NRXN3: variants seen among roughly 807,000 people sequenced by gnomAD.
NRXN3 encodes the protein neurexin III.
NRXN3 carries 32 observed loss-of-function variants against 137.6 expected under a neutral mutation model. The ratio of observed to expected loss-of-function variants is 0.23; its 90% CI spans 0.18 to 0.31. NRXN3 has a LOEUF of 0.31. Ranked by LOEUF, NRXN3 falls within the 10% of genes least tolerant of loss-of-function variation. NRXN3 has a pLI of 1.00. For missense variants in NRXN3, 1,574 were observed against 2,062.5 expected, an observed-to-expected ratio of 0.76 and a Z score of 4.59; for synonymous variants, 798 against 784.5, an observed-to-expected ratio of 1.02 and a Z score of -0.29.
chr14:79,066,093 C>T (rs372576637), intron 15 of NRXN3, among the ~76,000 whole-genome samples: 5 of 152,190 alleles, frequency 3.3e-5, no homozygotes, highest in African/African-American at 1.2e-4. Flanking sequence ...AATGGTATTG[C>T]CTAGATTTTC....
intron 1 of NRXN3, among the ~76,000 whole-genome samples, chr14:78,241,576 C>T (rs973302456): frequency 7.9e-5 from 12 of 151,628 alleles, no homozygotes; most frequent in South Asian, 2.1e-4. Flanking sequence ...GCCGAGCTCA[C>T]GCCACTGCAT....
chr14:78,371,025 T>C (rs2153616479), intron 4 of NRXN3, among the ~76,000 whole-genome samples: 1 of 152,278 alleles, frequency 6.6e-6, no homozygotes, highest in Admixed American at 6.5e-5. Context: ...AAATGATGAA[T>C]ACTTGTGATA....
intron 16 of NRXN3, among the ~76,000 whole-genome samples, chr14:79,590,429 AAAAAAAAAAG>A (rs1451712655): frequency 3.3e-5 from 5 of 151,034 alleles, no homozygotes; most frequent in Admixed American, 6.6e-5. Flanking sequence ...AAAAAAAAAA[AAAAAAAAAAG>A]ATTATGATAG....
At chr14:79,168,118 A>G (rs908206233) in intron 15 of NRXN3, among the ~76,000 whole-genome samples, 6 of 151,984 alleles carry the variant, frequency 3.9e-5, no homozygotes, top group African/African-American at 1.4e-4. Flanking sequence ...TTATCTCACC[A>G]GTGTGCTGAG....
intron 4 of NRXN3, among the ~76,000 whole-genome samples, chr14:78,534,576 A>T (rs17835152): frequency 6.6e-6 from 1 of 151,970 alleles, no homozygotes; most frequent in Non-Finnish European, 1.5e-5. Flanking sequence ...TTTCTTTAAC[A>T]TGTATTTCTA....
At chr14:78,532,080 G>C (rs1419673540) in intron 4 of NRXN3, among the ~76,000 whole-genome samples, 2 of 150,876 alleles carry the variant, frequency 1.3e-5, no homozygotes, top group African/African-American at 2.4e-5. Context: ...CGAGGTAGGT[G>C]GATCACCTGA....
intron 15 of NRXN3, among the ~76,000 whole-genome samples, chr14:79,143,836 G>A (rs986188299): frequency 6.6e-6 from 1 of 152,158 alleles, no homozygotes; most frequent in Non-Finnish European, 1.5e-5. Context: ...AAATATTTCT[G>A]TGTGCAGTTG....
chr14:78,261,251 C>A (rs908348838), intron 2 of NRXN3, among the ~76,000 whole-genome samples: 1 of 152,188 alleles, frequency 6.6e-6, no homozygotes, highest in African/African-American at 2.4e-5. Context: ...AAAGACACTG[C>A]CAGTATTCAT....
At chr14:79,105,296 C>A (rs1203649152) in intron 15 of NRXN3, among the ~76,000 whole-genome samples, 1 of 151,936 alleles carries the variant, frequency 6.6e-6, no homozygotes. Context: ...CCATCTCAAG[C>A]CAAAAAAAGA....
chr14:78,882,652 AACTAACTT>A (rs1271039831), intron 10 of NRXN3, among the ~76,000 whole-genome samples: 2 of 151,692 alleles, frequency 1.3e-5, no homozygotes, highest in African/African-American at 4.9e-5. Flanking sequence ...TCTAGGAAGT[AACTAACTT>A]CTTTTATTTT....
chr14:78,238,171 A>G (rs2066588104), intron 1 of NRXN3, among the ~76,000 whole-genome samples: 1 of 118,422 alleles, frequency 8.4e-6, no homozygotes, highest in South Asian at 2.6e-4. Flanking sequence ...GCCCCCTCCT[A>G]AGCAGCCGGC....
intron 15 of NRXN3, among the ~76,000 whole-genome samples, chr14:79,056,832 G>A (rs963926406): frequency 1.3e-5 from 2 of 152,184 alleles, no homozygotes; most frequent in Admixed American, 6.5e-5. Context: ...TGGCAAGCAG[G>A]TGCCCCTTCC....
In NRXN3 at chr14:78,943,621, AATATATATATATATATATATATAT is replaced by A. The variant is rs60429358; in HGVS notation, c.2276-13586_2276-13563del. ...AGCAAGATCACTGTTAAAAAAAAAA[AATATATATATATATATATATATAT>A]ATATATATATATATATATATATATA... On this transcript the variant is annotated intron_variant, in intron 10 of 20. Transcript: ENST00000335750. Among the ~76,000 whole-genome samples the A allele has an allele frequency of 4.4e-3, 123 of 27,870 alleles. 3 individuals carry two copies. Among genetic ancestry groups the A allele is most frequent in the South Asian group, 0.012 (7 of 602 alleles). The allele number at this position is 27,870 out of a possible 152,430, so 18.3% of individuals were successfully genotyped here.
At chr14:78,256,079 C>CT (rs1012879161) in intron 2 of NRXN3, among the ~76,000 whole-genome samples, 15 of 149,034 alleles carry the variant, frequency 1.0e-4, no homozygotes, top group African/African-American at 2.7e-4. Context: ...ACTAGAAATA[C>CT]TTTTTTTTTT....
At chr14:79,238,820 T>C (rs1198056988) in intron 15 of NRXN3, among the ~76,000 whole-genome samples, 1 of 152,136 alleles carries the variant, frequency 6.6e-6, no homozygotes, top group African/African-American at 2.4e-5. Context: ...TGATCTTTTC[T>C]CCAGGAGCCC....
chr14:79,842,106 C>T (rs1193387876), intron 20 of NRXN3, among the ~76,000 whole-genome samples: 1 of 152,222 alleles, frequency 6.6e-6, no homozygotes, highest in Admixed American at 6.5e-5. Context: ...TTTCTTCTTT[C>T]AGCAGTGATC....
intron 19 of NRXN3, among the ~76,000 whole-genome samples, chr14:79,755,018 C>T (rs1390603663): frequency 1.3e-5 from 2 of 152,098 alleles, no homozygotes; most frequent in Non-Finnish European, 2.9e-5. Context: ...ATGCCTTTTT[C>T]CTTTATAAAT....
intron 15 of NRXN3, among the ~76,000 whole-genome samples, chr14:79,389,759 T>C (rs1349874334): frequency 6.6e-6 from 1 of 152,198 alleles, no homozygotes; most frequent in Non-Finnish European, 1.5e-5. Flanking sequence ...TCCTTGGATC[T>C]CTGTAGCATG....
intron 4 of NRXN3, among the ~76,000 whole-genome samples, chr14:78,465,517 T>C (rs1020593682): frequency 6.6e-6 from 1 of 151,970 alleles, no homozygotes; most frequent in Non-Finnish European, 1.5e-5. Flanking sequence ...AGATTTAAGG[T>C]TTTTTGTTTG....
Sources: gnomAD v4.1 joint callset for allele counts (sites outside exome capture counted in the v4.1 genomes callset) on GRCh38, gnomAD v4.1.1 for gene constraint, MANE v1.5 for transcripts, NCBI Gene and HGNC (gene_info 2026-07-23, HGNC 2026-07-21) for gene names.